The following TOP1 variants were observed in gnomAD, a reference collection of about 807,000 sequenced individuals.
The protein encoded by TOP1 is DNA topoisomerase 1.
A neutral mutation model predicts 111.1 loss-of-function variants in TOP1; 10 were observed. That is an observed-to-expected ratio of 0.09 (90% CI 0.06 to 0.15). TOP1 has a LOEUF of 0.15. TOP1 is among the 10% of genes least tolerant of loss of function. The pLI is 1.00. For missense variants in TOP1, 474 were observed against 926.7 expected (o/e 0.51, Z 6.34); for synonymous variants, 271 against 302.9 (o/e 0.89, Z 1.10).
At chr20:41,057,910 T>G (rs935850901) in intron 2 of TOP1, among the ~76,000 whole-genome samples, 2 of 152,218 alleles carry the variant, frequency 1.3e-5, no homozygotes, top group Admixed American at 6.5e-5. Flanking sequence ...GCCATAAGTG[T>G]TTGGTTTGAG....
rs1040361487 is a variant in TOP1, at chr20:41,071,501, C to T, written c.156-4670C>T. Among the ~76,000 whole-genome samples, 4 of 152,070 alleles carry T rather than the reference C, an allele frequency of 2.6e-5. No individual in the cohort carries two copies. The highest frequency in any genetic ancestry group is 7.2e-5 in the African/African-American group (3 of 41,396). Reference sequence around the variant, plus strand: ...CTGGGATTACAGGCATGTGCCACCACGCCCAGCTAATTTTTGTATTTTTAG... The same window carrying T: ...CTGGGATTACAGGCATGTGCCACCATGCCCAGCTAATTTTTGTATTTTTAG... On this transcript the variant is annotated intron_variant, in intron 3 of 20. Coordinates refer to ENST00000361337, the MANE Select transcript of TOP1 (RefSeq NM_003286.4). The surrounding 1 kb of genome is among the most constrained non-coding windows in gnomAD (Gnocchi z 4.3).
intron 3 of TOP1, among the ~76,000 whole-genome samples, chr20:41,064,292 C>T (rs2145928522): frequency 6.6e-6 from 1 of 152,240 alleles, no homozygotes; most frequent in South Asian, 2.1e-4. Flanking sequence ...TGTACCATTA[C>T]CATGCTGTTA....
intron 2 of TOP1, among the ~76,000 whole-genome samples, chr20:41,055,952 A>G (rs987871148): frequency 6.6e-6 from 1 of 152,238 alleles, no homozygotes; most frequent in Non-Finnish European, 1.5e-5. Context: ...AAGCTTAAAG[A>G]TAATGTTTAA....
chr20:41,044,411 G>C (rs758841894), intron 2 of TOP1, among the ~76,000 whole-genome samples: 13 of 152,228 alleles, frequency 8.5e-5, no homozygotes, highest in Non-Finnish European at 1.8e-4. Flanking sequence ...AATGGGATTT[G>C]TTTGCCCTGC....
At chr20:41,086,132 G>A (rs1166161852) in intron 8 of TOP1, among the ~76,000 whole-genome samples, 3 of 152,046 alleles carry the variant, frequency 2.0e-5, no homozygotes, top group African/African-American at 4.8e-5. Flanking sequence ...GCGTGGTGGT[G>A]CGCACCTGTA....
intron 13 of TOP1, among the ~76,000 whole-genome samples, chr20:41,108,774 A>C (rs2034188527): frequency 6.6e-6 from 1 of 152,224 alleles, no homozygotes; most frequent in Admixed American, 6.5e-5. Context: ...AGAAACTCTG[A>C]TTCCAGATAA....
At chr20:41,035,832 A>G (rs2033178222) in intron 2 of TOP1, among the ~76,000 whole-genome samples, 1 of 152,200 alleles carries the variant, frequency 6.6e-6, no homozygotes, top group Non-Finnish European at 1.5e-5. Context: ...AAAGCTTTGT[A>G]GGTATATTAC....
intron 3 of TOP1, among the ~76,000 whole-genome samples, chr20:41,070,234 CAA>C (rs1041303689): frequency 6.6e-6 from 1 of 152,102 alleles, no homozygotes; most frequent in Non-Finnish European, 1.5e-5. Flanking sequence ...TTAATAGAGA[CAA>C]AGAACTTAAG....
At position 41,098,489 on chromosome 20, in the gene TOP1, T is replaced by A; in HGVS notation, c.975+152T>A. 1.1e-6 allele frequency: 1 copy of A among 891,868 alleles called. No individual in the cohort carries two copies. Among genetic ancestry groups the A allele is most frequent in the Non-Finnish European group, 1.7e-6 (1 of 605,570 alleles). The allele number at this position is 891,868 out of a possible 1,614,324, so 55.2% of individuals were successfully genotyped here. On this transcript the variant is annotated intron_variant, in intron 11 of 20. Coordinates refer to ENST00000361337, the MANE Select transcript of TOP1 (RefSeq NM_003286.4). The surrounding 1 kb of genome is among the most constrained non-coding windows in gnomAD (Gnocchi z 5.7). ...AGAGTTCTCAAAGTCTAAATTTTCT[T>A]AAAGGTTTTAGTTAGACTGAAAATT...
Position 41,116,867 on chromosome 20 carries a change from T to C in TOP1, c.1822+475T>C, listed in dbSNP as rs2034338971. The stretch of plus-strand genomic sequence containing the variant: ...TATCACCAAGATCCACGGGCTTTTT[T>C]TTTCCTGGAGCCCAGTCACTATTGA... On this transcript the variant is annotated intron_variant, in intron 17 of 20. Coordinates refer to ENST00000361337, the MANE Select transcript of TOP1 (RefSeq NM_003286.4). The surrounding 1 kb of genome is among the most constrained non-coding windows in gnomAD (Gnocchi z 5.6). Among the ~76,000 whole-genome samples the C allele has an allele frequency of 6.6e-6, 1 of 152,160 alleles. No homozygotes were observed. Among genetic ancestry groups the C allele is most frequent in the East Asian group, 1.9e-4 (1 of 5,190 alleles).
chr20:41,050,175 C>A (rs2033386806), intron 2 of TOP1, among the ~76,000 whole-genome samples: 1 of 152,180 alleles, frequency 6.6e-6, no homozygotes, highest in South Asian at 2.1e-4. Context: ...CATCACCATG[C>A]CCGGCTAATT....
chr20:41,088,002 GCTTTT>G (rs552359489), intron 8 of TOP1, among the ~76,000 whole-genome samples: 21 of 152,262 alleles, frequency 1.4e-4, no homozygotes, highest in African/African-American at 5.1e-4. Context: ...AGAACTGTTT[GCTTTT>G]ATTTGTATAA....
At chr20:41,054,053 T>G (rs1002785104) in intron 2 of TOP1, among the ~76,000 whole-genome samples, 2 of 152,212 alleles carry the variant, frequency 1.3e-5, no homozygotes, top group Non-Finnish European at 2.9e-5. Context: ...CACCCAGAGT[T>G]GTGAAACTTA....
chr20:41,079,359 C>A lies in TOP1; in HGVS notation c.336-726C>A, dbSNP rs1004437642. ...GCTCTATGGTGTTTTTTACTTGTTC[C>A]TTCTCTGTTTTGGTTCAAGATGTTT... On this transcript the variant is annotated intron_variant, in intron 5 of 20. Transcript: ENST00000361337. This position sits in a 1 kb window ranked among gnomAD's most constrained non-coding sequence, Gnocchi z 4.0. 2.6e-5 allele frequency among the ~76,000 whole-genome samples: 4 copies of A among 152,116 alleles called. No homozygotes were observed. The highest frequency in any genetic ancestry group is 5.9e-5 in the Non-Finnish European group (4 of 68,012).
intron 2 of TOP1, among the ~76,000 whole-genome samples, chr20:41,050,068 A>C (rs978739711): frequency 2.0e-5 from 3 of 152,220 alleles, no homozygotes; most frequent in Non-Finnish European, 4.4e-5. Context: ...CTTAGGCTGG[A>C]GTGCAATGGC....
In TOP1 at chr20:41,073,201, T is replaced by G. The variant is rs189977273; in HGVS notation, c.156-2970T>G. On this transcript the variant is annotated intron_variant, in intron 3 of 20. Coordinates refer to ENST00000361337, the MANE Select transcript of TOP1 (RefSeq NM_003286.4). ...TGTACACTTGTAGGTACCTATGTTG[T>G]GATTGCCAAAAGGCTCAGAAAGCCA... 3 of 985,244 alleles carry G rather than the reference T, an allele frequency of 3.0e-6. No homozygotes were observed. The East Asian group carries it at 3.4e-4, about 112-fold the overall frequency. 61.0% of individuals were successfully genotyped at this position (985,244 alleles called of 1,614,324 possible).
At chr20:41,037,867 C>T (rs566206940) in intron 2 of TOP1, among the ~76,000 whole-genome samples, 16 of 152,188 alleles carry the variant, frequency 1.1e-4, no homozygotes, top group African/African-American at 3.6e-4. Flanking sequence ...TCACAACAGG[C>T]GCAGACTTAA....
intron 5 of TOP1, among the ~76,000 whole-genome samples, chr20:41,077,857 C>T (rs1270152396): frequency 6.6e-6 from 1 of 151,228 alleles, no homozygotes; most frequent in African/African-American, 2.4e-5. Context: ...AAGGTTATTT[C>T]GAATAGAGAA....
chr20:41,084,642 T>C (rs1232232901), intron 8 of TOP1, 74 bp downstream of exon 8: 2 of 788,180 alleles, frequency 2.5e-6, no homozygotes, highest in Middle Eastern at 2.4e-4. Flanking sequence ...TATTGAGTTA[T>C]TAAAATTAAT....
Sources: gnomAD v4.1 joint callset for allele counts (sites outside exome capture counted in the v4.1 genomes callset) on GRCh38, gnomAD v4.1.1 for gene constraint, Gnocchi (gnomAD v3.1) non-coding constraint, MANE v1.5 for transcripts, NCBI Gene and HGNC (gene_info 2026-07-23, HGNC 2026-07-21) for gene names.